Variants in PCDHA9 observed in about 807,000 individuals in gnomAD.
The protein encoded by PCDHA9 is protocadherin alpha-9.
A neutral mutation model predicts 62.0 loss-of-function variants in PCDHA9; 62 were observed. The ratio of observed to expected loss-of-function variants is 1.00; its 90% CI spans 0.81 to 1.23. PCDHA9 has a LOEUF of 1.23. Ranked by LOEUF, PCDHA9 falls within the 50% of genes most tolerant of loss-of-function variation. PCDHA9 has a pLI of 0.00. For synonymous variants in PCDHA9, 557 were observed against 567.6 expected, an observed-to-expected ratio of 0.98 and a Z score of 0.27; for missense variants, 1,205 against 1,249.8, an observed-to-expected ratio of 0.96 and a Z score of 0.54.
chr5:140,865,377 T>C (rs2048847316), intron 1 of PCDHA9: 1 of 152,154 alleles, frequency 6.6e-6, no homozygotes, highest in South Asian at 2.1e-4. Flanking sequence ...ATGTTATAGG[T>C]AGGGTAAAGT....
chr5:140,969,203 G>A (rs781962982), intron 1 of PCDHA9: 2 of 1,614,178 alleles, frequency 1.2e-6, no homozygotes, highest in Non-Finnish European at 8.5e-7. Flanking sequence ...CAATACAGGG[G>A]CCCAGACAGG....
chr5:140,870,970 G>A, intron 1 of PCDHA9: 4 of 1,613,652 alleles, frequency 2.5e-6, no homozygotes, highest in Non-Finnish European at 3.4e-6. Context: ...CCCGTTCCGC[G>A]TGGGGCTGTA....
intron 1 of PCDHA9, chr5:140,855,996 A>G (rs2150345731): frequency 6.7e-7 from 1 of 1,503,004 alleles, no homozygotes; most frequent in Non-Finnish European, 9.0e-7. Flanking sequence ...GTCAGATCGT[A>G]TGTGCGTTCT....
At position 140,849,522 on chromosome 5, in the gene PCDHA9, G is replaced by A; in HGVS notation, c.1027G>A (p.Val343Ile). The A allele has an allele frequency of 1.3e-6, 2 of 1,597,478 alleles. No homozygotes were observed. The highest frequency in any genetic ancestry group is 1.7e-4 in the Middle Eastern group (1 of 5,966). Residue 343 changes from valine to isoleucine, a missense_variant, in exon 1 of 4, where the codon GTA (valine) becomes ATA (isoleucine). Physicochemically the swap from Val to Ile is conservative, Grantham distance 29. This residue lies in a region of PCDHA9 where 110 missense variants were observed against 227.2 expected (regional missense o/e 0.48). Coordinates refer to ENST00000532602, the MANE Select transcript of PCDHA9 (RefSeq NM_031857.2). ...HCTLLVEVVD[V>I]NDNAPQLTIK... ...TACACTTCTTGTGGAAGTTGTGGAT[G>A]TAAATGACAATGCTCCACAGTTGAC... is the stretch of plus-strand genomic sequence containing the variant.
chr5:140,887,246 G>A (rs1346055055), intron 1 of PCDHA9, among the ~76,000 whole-genome samples: 2 of 151,778 alleles, frequency 1.3e-5, no homozygotes, highest in Non-Finnish European at 2.9e-5. Flanking sequence ...ACCGGCGCCC[G>A]CCACCACGCC....
At chr5:140,998,211 T>C (rs2097801578) in intron 3 of PCDHA9, among the ~76,000 whole-genome samples, 1 of 152,226 alleles carries the variant, frequency 6.6e-6, no homozygotes. Context: ...TTAATCTGTA[T>C]AACCACACCC....
intron 1 of PCDHA9, chr5:140,863,344 T>C (rs1554158123): frequency 1.5e-6 from 2 of 1,323,546 alleles, no homozygotes; most frequent in Admixed American, 1.8e-5. Context: ...GTTGCTGCTG[T>C]ACACGACGCT....
At chr5:140,869,286 G>A in intron 1 of PCDHA9, 2 of 1,613,616 alleles carry the variant, frequency 1.2e-6, no homozygotes, top group Non-Finnish European at 1.7e-6. Context: ...AGCTGGTGCA[G>A]CGCCTGTTCC....
intron 1 of PCDHA9, chr5:140,862,267 A>G (rs968907254): frequency 8.7e-6 from 2 of 230,002 alleles, no homozygotes; most frequent in African/African-American, 4.5e-5. Flanking sequence ...GCAGTAAGTC[A>G]CTATCATTCC....
At chr5:140,851,899 C>T (rs1295773158) in intron 1 of PCDHA9, 2 of 973,488 alleles carry the variant, frequency 2.1e-6, no homozygotes, top group African/African-American at 1.8e-5. Flanking sequence ...AGATTTGCCT[C>T]TTTAATGTCA....
chr5:140,861,632 A>G (rs1314096154), intron 1 of PCDHA9: 8 of 308,696 alleles, frequency 2.6e-5, no homozygotes, highest in Non-Finnish European at 3.9e-5. Context: ...TGTTCTCAGC[A>G]ACACAAAAGA....
chr5:140,926,798 C>T (rs1584463033), intron 1 of PCDHA9: 2 of 1,455,342 alleles, frequency 1.4e-6, no homozygotes, highest in East Asian at 2.5e-5. Context: ...GGAGCGTGCT[C>T]TTCCCCGCGG....
chr5:140,913,572 T>C (rs1000646852), intron 1 of PCDHA9, among the ~76,000 whole-genome samples: 1 of 152,146 alleles, frequency 6.6e-6, no homozygotes, highest in Non-Finnish European at 1.5e-5. Context: ...TTTCATCATT[T>C]CAAATATATT....
At chr5:140,857,153 G>A in intron 1 of PCDHA9, 1 of 1,598,322 alleles carries the variant, frequency 6.3e-7, no homozygotes, top group East Asian at 2.2e-5. Context: ...CACCGTCATT[G>A]CCCTAATCAG....
intron 1 of PCDHA9, among the ~76,000 whole-genome samples, chr5:140,924,916 T>A (rs551375956): frequency 7.0e-4 from 85 of 122,004 alleles, no homozygotes; most frequent in East Asian, 2.6e-3. Context: ...TAAAATAAAA[T>A]AAAATAAAAT....
intron 1 of PCDHA9, among the ~76,000 whole-genome samples, chr5:140,944,481 T>C (rs1441639137): frequency 1.3e-5 from 2 of 152,106 alleles, no homozygotes; most frequent in Admixed American, 6.5e-5. Flanking sequence ...GGCACTGGAC[T>C]GAGGCTTCTT....
intron 1 of PCDHA9, chr5:140,863,098 A>C (rs781829362): frequency 1.7e-6 from 1 of 578,270 alleles, no homozygotes; most frequent in Non-Finnish European, 3.4e-6. Context: ...CACGACGAGT[A>C]CCCTGGACGA....
intron 1 of PCDHA9, among the ~76,000 whole-genome samples, chr5:140,963,667 T>G (rs1206076549): frequency 3.9e-5 from 6 of 152,238 alleles, no homozygotes; most frequent in African/African-American, 1.4e-4. Context: ...CTATATGGCA[T>G]AGTTAAATGT....
intron 1 of PCDHA9, chr5:140,869,787 G>A (rs1554163463): frequency 3.1e-6 from 5 of 1,612,888 alleles, no homozygotes; most frequent in Middle Eastern, 1.6e-4. Flanking sequence ...CCGTTCGGCT[G>A]TTAGTCCAAG....
Sources: allele counts gnomAD v4.1 joint callset (sites outside exome capture counted in the v4.1 genomes callset), GRCh38; gene constraint gnomAD v4.1.1; regional missense constraint gnomAD v4.1.1; transcripts MANE v1.5; gene names NCBI Gene and HGNC (gene_info 2026-07-23, HGNC 2026-07-21).